The following GABBR2 variants were observed in gnomAD, a reference collection of about 807,000 sequenced individuals.
GABBR2 encodes G-protein coupled receptor 51.
In GABBR2, 23 loss-of-function variants were observed where a neutral mutation model predicts 105.6. That is an observed-to-expected ratio of 0.22 (90% CI 0.16 to 0.31). The LOEUF (loss-of-function observed/expected upper bound fraction) is 0.31. GABBR2 is among the 10% of genes least tolerant of loss of function. The pLI is 1.00. For synonymous variants in GABBR2, 478 were observed against 499.7 expected, an observed-to-expected ratio of 0.96 and a Z score of 0.58; for missense variants, 734 against 1,245.5, an observed-to-expected ratio of 0.59 and a Z score of 6.18.
chr9:98,582,653 TA>T (rs1829017947), intron 1 of GABBR2, among the ~76,000 whole-genome samples: 1 of 152,244 alleles, frequency 6.6e-6, no homozygotes. Flanking sequence ...TCCTTAAAGT[TA>T]ATTCCATTTG....
At chr9:98,653,488 A>G (rs914577200) in intron 1 of GABBR2, among the ~76,000 whole-genome samples, 5 of 152,242 alleles carry the variant, frequency 3.3e-5, no homozygotes, top group African/African-American at 1.2e-4. Flanking sequence ...TGAAAAACAG[A>G]TTAAGTTAGA....
intron 11 of GABBR2, among the ~76,000 whole-genome samples, chr9:98,383,115 A>G (rs1832008181): frequency 6.6e-6 from 1 of 151,814 alleles, no homozygotes; most frequent in Non-Finnish European, 1.5e-5. Flanking sequence ...CTAATTTTGT[A>G]TTTTTAGTAG....
intron 7 of GABBR2, among the ~76,000 whole-genome samples, chr9:98,441,616 C>G (rs1826032885): frequency 6.6e-6 from 1 of 152,226 alleles, no homozygotes; most frequent in African/African-American, 2.4e-5. Flanking sequence ...ATCCACCTGC[C>G]TTGGCCTCCC....
intron 13 of GABBR2, among the ~76,000 whole-genome samples, chr9:98,360,659 A>C (rs1180398103): frequency 2.6e-5 from 4 of 152,220 alleles, no homozygotes; most frequent in African/African-American, 9.6e-5. Flanking sequence ...CATTGATAGC[A>C]GCAGTGCTTA....
At chr9:98,400,197 A>T (rs59556389) in intron 8 of GABBR2, among the ~76,000 whole-genome samples, 23,978 of 137,298 alleles carry the variant, frequency 0.17, 2,615 homozygotes, top group African/African-American at 0.4. Context: ...TTTTTTTTTT[A>T]AAAAAAAAAG....
chr9:98,539,929 A>AG (rs1250826194), intron 3 of GABBR2, among the ~76,000 whole-genome samples: 11 of 151,512 alleles, frequency 7.3e-5, no homozygotes, highest in South Asian at 2.1e-4. Context: ...AAAAAAAAAA[A>AG]AAAGAAAAAG....
chr9:98,592,417 CACTT>C (rs1564124553), intron 1 of GABBR2, among the ~76,000 whole-genome samples: 1 of 152,134 alleles, frequency 6.6e-6, no homozygotes, highest in African/African-American at 2.4e-5. Flanking sequence ...CGCATTAGCC[CACTT>C]ACTATTTATA....
intron 1 of GABBR2, among the ~76,000 whole-genome samples, chr9:98,687,472 C>T (rs1200163451): frequency 1.3e-5 from 2 of 152,068 alleles, no homozygotes; most frequent in Non-Finnish European, 2.9e-5. Context: ...TTGGGTGATG[C>T]AAAGATGGAC....
In GABBR2 at chr9:98,365,192, C is replaced by CA. The variant is rs201158734; in HGVS notation, c.1771-2356dup. Reference sequence around the variant, plus strand: ...CAAGCTGCTTAACTTTGCTAGGACTCAGTTTCCTTCTTTTTAAAGTGTGGT... The same window carrying CA: ...CAAGCTGCTTAACTTTGCTAGGACTCAAGTTTCCTTCTTTTTAAAGTGTGGT... On this transcript the variant is annotated intron_variant, in intron 12 of 18. Transcript: ENST00000259455. Among the ~76,000 whole-genome samples, 1,026 of 152,322 alleles carry CA rather than the reference C, an allele frequency of 6.7e-3. 11 individuals are homozygous for CA. Among genetic ancestry groups the CA allele is most frequent in the South Asian group, 0.041 (199 of 4,828 alleles).
intron 14 of GABBR2, among the ~76,000 whole-genome samples, chr9:98,307,240 T>C (rs1055343776): frequency 1.3e-5 from 2 of 152,168 alleles, no homozygotes; most frequent in African/African-American, 4.8e-5. Flanking sequence ...CCAATAGATG[T>C]CTTGACAGAA....
At chr9:98,580,768 G>A (rs1431968405) in intron 1 of GABBR2, among the ~76,000 whole-genome samples, 3 of 152,252 alleles carry the variant, frequency 2.0e-5, no homozygotes, top group Admixed American at 2.0e-4. Flanking sequence ...GCTTGACAGA[G>A]CAAGGCTCCA....
chr9:98,336,566 A>T (rs1015037758), intron 13 of GABBR2, among the ~76,000 whole-genome samples: 1 of 152,098 alleles, frequency 6.6e-6, no homozygotes, highest in Non-Finnish European at 1.5e-5. Flanking sequence ...TTAGCCAGGC[A>T]TGGTGGCATG....
intron 13 of GABBR2, among the ~76,000 whole-genome samples, chr9:98,354,390 C>T (rs1831451649): frequency 6.6e-6 from 1 of 152,234 alleles, no homozygotes; most frequent in Non-Finnish European, 1.5e-5. Context: ...TGAAGCCAGG[C>T]ATTGACTTCT....
At chr9:98,558,516 A>G (rs1828621091) in intron 2 of GABBR2, among the ~76,000 whole-genome samples, 1 of 152,258 alleles carries the variant, frequency 6.6e-6, no homozygotes, top group Admixed American at 6.5e-5. Context: ...AGGACCAGAA[A>G]GAAGGGATTT....
intron 2 of GABBR2, among the ~76,000 whole-genome samples, chr9:98,559,903 A>T (rs1190355001): frequency 6.7e-6 from 1 of 148,662 alleles, no homozygotes; most frequent in East Asian, 2.0e-4. Flanking sequence ...AAAATTAAGT[A>T]AAAAAAAAAG....
intron 8 of GABBR2, 61 bp downstream of exon 8, chr9:98,406,020 A>G (rs1430445767): frequency 2.1e-6 from 2 of 952,874 alleles, no homozygotes; most frequent in East Asian, 4.8e-5. Flanking sequence ...TATATTGCAT[A>G]AAACAACATT....
intron 7 of GABBR2, among the ~76,000 whole-genome samples, chr9:98,444,072 T>C (rs1826078680): frequency 1.3e-5 from 2 of 152,234 alleles, no homozygotes; most frequent in African/African-American, 2.4e-5. Context: ...TGAAGGATCC[T>C]GAGTAAATCA....
At chr9:98,680,098 A>G (rs1830523934) in intron 1 of GABBR2, among the ~76,000 whole-genome samples, 1 of 152,192 alleles carries the variant, frequency 6.6e-6, no homozygotes, top group African/African-American at 2.4e-5. Context: ...TGAGTGAGGG[A>G]AAAAACATCT....
chr9:98,356,756 A>G (rs1831492063), intron 13 of GABBR2, among the ~76,000 whole-genome samples: 1 of 152,234 alleles, frequency 6.6e-6, no homozygotes, highest in African/African-American at 2.4e-5. Flanking sequence ...CTTGGAAGCA[A>G]CTAAGATGCC....
Sources: gnomAD v4.1 joint callset for allele counts (sites outside exome capture counted in the v4.1 genomes callset) on GRCh38, gnomAD v4.1.1 for gene constraint, MANE v1.5 for transcripts, NCBI Gene and HGNC (gene_info 2026-07-23, HGNC 2026-07-21) for gene names.